HIVEP3: variants seen among roughly 807,000 people sequenced by gnomAD.
HIVEP3 encodes transcription factor HIVEP3.
HIVEP3 carries 49 observed loss-of-function variants against 152.8 expected under a neutral mutation model. The observed-to-expected ratio is 0.32, with a 90% confidence interval of 0.26 to 0.41. The LOEUF (loss-of-function observed/expected upper bound fraction) is 0.41, where lower values mean the gene tolerates loss of function less well. Ranked by LOEUF, HIVEP3 falls within the 10% of genes least tolerant of loss-of-function variation. The pLI is 1.00. For synonymous variants in HIVEP3, 1,269 were observed against 1,289.0 expected, an observed-to-expected ratio of 0.98 and a Z score of 0.33; for missense variants, 2,790 against 3,103.3, an observed-to-expected ratio of 0.90 and a Z score of 2.40.
rs973296802 is a variant in HIVEP3, at chr1:41,575,448, G to T, written c.5207+96C>A. On this transcript the variant is annotated intron_variant, in intron 5 of 8. Coordinates refer to ENST00000372583, the MANE Select transcript of HIVEP3 (RefSeq NM_024503.5). ...GGACCACAGGGCACCTGTGGGCAGA[G>T]CCCTTGCCAACTGAGCCACTGCTGC... The T allele has an allele frequency of 6.6e-6, 9 of 1,354,912 alleles. No homozygotes were observed. In the African/African-American group the frequency reaches 7.1e-5, roughly 11 times the overall value. The allele number at this position is 1,354,912 out of a possible 1,614,324, so 83.9% of individuals were successfully genotyped here. A position where few individuals can be genotyped will look rare whatever the true frequency, so the allele number is the denominator to read the frequency against.
chr1:41,892,473 G>A (rs1226895130), intron 1 of HIVEP3, among the ~76,000 whole-genome samples: 1 of 152,136 alleles, frequency 6.6e-6, no homozygotes, highest in Non-Finnish European at 1.5e-5. Flanking sequence ...GCTGCCACAG[G>A]TTCAAGTTCT....
chr1:41,656,319 C>T (rs1645628229), intron 2 of HIVEP3, among the ~76,000 whole-genome samples: 1 of 152,210 alleles, frequency 6.6e-6, no homozygotes, highest in African/African-American at 2.4e-5. Context: ...CCAGGGGATC[C>T]CTCAGGCCAG....
chr1:41,767,921 T>G (rs1010652343), intron 1 of HIVEP3, among the ~76,000 whole-genome samples: 2 of 152,218 alleles, frequency 1.3e-5, no homozygotes, highest in Non-Finnish European at 2.9e-5. Context: ...ACCTCGTTCT[T>G]CCTAGTTCTG....
chr1:41,976,610 A>G (rs1485346763), intron 1 of HIVEP3, among the ~76,000 whole-genome samples: 4 of 152,240 alleles, frequency 2.6e-5, no homozygotes, highest in Non-Finnish European at 5.9e-5. Context: ...GTTCTTAGAT[A>G]CTGCAATTCA....
intron 1 of HIVEP3, among the ~76,000 whole-genome samples, chr1:41,857,472 A>G (rs935792083): frequency 2.0e-5 from 3 of 152,042 alleles, no homozygotes; most frequent in Non-Finnish European, 2.9e-5. Flanking sequence ...AGAAGAATGT[A>G]TTTCAAGTAC....
At chr1:41,872,476 T>C (rs1307032095) in intron 1 of HIVEP3, among the ~76,000 whole-genome samples, 1 of 152,208 alleles carries the variant, frequency 6.6e-6, no homozygotes, top group Non-Finnish European at 1.5e-5. Flanking sequence ...AGAACTCAAA[T>C]ATAGAAGTAC....
At chr1:41,754,276 C>A (rs192680744) in intron 1 of HIVEP3, among the ~76,000 whole-genome samples, 1 of 152,090 alleles carries the variant, frequency 6.6e-6, no homozygotes, top group Admixed American at 6.5e-5. Context: ...GAGGAGGACC[C>A]CTGATTTGTG....
chr1:41,825,343 T>C (rs1306970163), intron 1 of HIVEP3, among the ~76,000 whole-genome samples: 6 of 152,052 alleles, frequency 3.9e-5, no homozygotes. Flanking sequence ...ACAAAATACA[T>C]TATCACAAGG....
chr1:41,919,247 C>T (rs1311811084), upstream of HIVEP3, among the ~76,000 whole-genome samples: 3 of 152,186 alleles, frequency 2.0e-5, no homozygotes, highest in Non-Finnish European at 2.9e-5. Flanking sequence ...TGATCCTTCA[C>T]TTCTGAACAC....
At chr1:41,777,538 T>G (rs1471129845) in intron 1 of HIVEP3, among the ~76,000 whole-genome samples, 1 of 152,226 alleles carries the variant, frequency 6.6e-6, no homozygotes, top group Non-Finnish European at 1.5e-5. Flanking sequence ...TTAACTATTA[T>G]ATAGCCTAAC....
At position 41,798,884 on chromosome 1, in the gene HIVEP3, T is replaced by C. The variant is rs184659639; in HGVS notation, c.-800-97889A>G. Among the ~76,000 whole-genome samples, 185 of 152,308 alleles carry C rather than the reference T, an allele frequency of 1.2e-3. 2 individuals carry two copies. Among genetic ancestry groups the C allele is most frequent in the African/African-American group, 4.4e-3 (184 of 41,558 alleles). On this transcript the variant is annotated intron_variant, in intron 1 of 8. Transcript: ENST00000372583. ...GCTCCTTCAAAATTATTAAAGTGCTTGACTCTTGTAATATCATGTAGGGTT... is the reference window on the plus strand; with the variant it reads ...GCTCCTTCAAAATTATTAAAGTGCTCGACTCTTGTAATATCATGTAGGGTT...
chr1:41,584,021 G>A lies in HIVEP3; in HGVS notation c.777C>T (p.Tyr259=), dbSNP rs746230063. 13 of 1,614,076 alleles carry A rather than the reference G, an allele frequency of 8.1e-6. No homozygotes were observed. The highest frequency in any genetic ancestry group is 1.0e-5 in the Non-Finnish European group (12 of 1,180,030). Residue 259 remains tyrosine, a synonymous_variant, in exon 4 of 9, where the codon TAC becomes TAT. Coordinates refer to ENST00000372583, the MANE Select transcript of HIVEP3 (RefSeq NM_024503.5). The surrounding 1 kb of genome is among the most constrained non-coding windows in gnomAD (Gnocchi z 5.2). ...GLASGMGGEM[Y]PHGLEMERIP... is the part of the protein sequence containing the mutation. ...TCCGCTCCATCTCCAGCCCATGTGG[G>A]TACATCTCGCCACCCATGCCTGAGG...
In HIVEP3 at chr1:41,585,333, T is replaced by C; in HGVS notation, c.-521-15A>G. The C allele has an allele frequency of 2.5e-6, 1 of 398,830 alleles. No individual in the cohort carries two copies. 24.7% of individuals were successfully genotyped at this position (398,830 alleles called of 1,614,324 possible). ...ACGCTCTTCTTCTGTGTGATAGATG[T>C]ACACACACACAGAAATACACACACA... On this transcript the variant is annotated splice_polypyrimidine_tract_variant and intron_variant, in intron 3 of 8. Transcript: ENST00000372583.
At chr1:41,640,042 C>T (rs1645348480) in intron 2 of HIVEP3, among the ~76,000 whole-genome samples, 1 of 152,110 alleles carries the variant, frequency 6.6e-6, no homozygotes, top group Non-Finnish European at 1.5e-5. Flanking sequence ...TAACATATTC[C>T]ATTTAGTGGC....
At chr1:41,678,258 G>A (rs1262351838) in intron 2 of HIVEP3, among the ~76,000 whole-genome samples, 2 of 152,202 alleles carry the variant, frequency 1.3e-5, no homozygotes, top group African/African-American at 4.8e-5. Flanking sequence ...GCTCCAGAGA[G>A]AGGCTGAGTT....
intron 1 of HIVEP3, among the ~76,000 whole-genome samples, chr1:41,938,330 C>T (rs1250438546): frequency 2.6e-5 from 4 of 152,184 alleles, no homozygotes; most frequent in East Asian, 1.9e-4. Flanking sequence ...ATGCAGAAGC[C>T]ATGTATATGT....
chr1:41,532,038 A>G (rs1298058908), intron 5 of HIVEP3, among the ~76,000 whole-genome samples: 57 of 105,378 alleles, frequency 5.4e-4, no homozygotes, highest in South Asian at 7.5e-4. Context: ...CAGGGGAGAT[A>G]GAGGACAGGA....
chr1:41,901,449 TCAGA>T (rs1024940759), intron 1 of HIVEP3, among the ~76,000 whole-genome samples: 5 of 151,860 alleles, frequency 3.3e-5, no homozygotes, highest in African/African-American at 7.3e-5. Context: ...AGAGAAATCC[TCAGA>T]CAGAGTCTAG....
chr1:41,567,286 C>T (rs1558067505), intron 5 of HIVEP3, among the ~76,000 whole-genome samples: 2 of 152,214 alleles, frequency 1.3e-5, no homozygotes, highest in Non-Finnish European at 2.9e-5. Context: ...TGCCATGTTC[C>T]TGGTCTAAAC....
Sources: allele counts gnomAD v4.1 joint callset (sites outside exome capture counted in the v4.1 genomes callset), GRCh38; gene constraint gnomAD v4.1.1; non-coding constraint Gnocchi (gnomAD v3.1); transcripts MANE v1.5; gene names NCBI Gene and HGNC (gene_info 2026-07-23, HGNC 2026-07-21).